YIPF6: variants seen among roughly 807,000 people sequenced by gnomAD.
YIPF6 encodes the protein Yip1 domain family member 6, also known as protein YIPF6.
A neutral mutation model predicts 16.8 loss-of-function variants in YIPF6; 3 were observed. The observed-to-expected ratio is 0.18, with a 90% confidence interval of 0.08 to 0.46. The LOEUF (loss-of-function observed/expected upper bound fraction) is 0.46, where lower values mean the gene tolerates loss of function less well. Ranked by LOEUF, YIPF6 falls within the 20% of genes least tolerant of loss-of-function variation. YIPF6 has a pLI of 0.98. For synonymous variants in YIPF6, 67 were observed against 61.9 expected (o/e 1.08, Z -0.38); for missense variants, 145 against 184.9 (o/e 0.78, Z 1.25).
chrX:68,509,108 G>T (rs1401350885), intron 1 of YIPF6, among the ~76,000 whole-genome samples: 3 of 107,023 alleles, frequency 2.8e-5, no homozygotes, highest in African/African-American at 1.0e-4. Flanking sequence ...TTTGTTTTTT[G>T]TTGTTGTTTT....
intron 6 of YIPF6, among the ~76,000 whole-genome samples, chrX:68,528,153 A>G: frequency 9.0e-6 from 1 of 111,402 alleles, no homozygotes; most frequent in East Asian, 2.8e-4. Flanking sequence ...TTGTTTTATG[A>G]ACCTGGGTGC....
At chrX:68,512,830 ATT>A (rs200742201) in intron 2 of YIPF6, among the ~76,000 whole-genome samples, 16 of 96,807 alleles carry the variant, frequency 1.7e-4, no homozygotes, top group African/African-American at 1.9e-4. Flanking sequence ...CAGTTTCTTG[ATT>A]TTTTTTTTTT....
At chrX:68,513,928 C>T (rs1336681591) in intron 3 of YIPF6, 1 of 108,948 alleles carries the variant, frequency 9.2e-6, no homozygotes, top group African/African-American at 3.3e-5. Flanking sequence ...ATTATATTGT[C>T]CTCATCAGTA....
chrX:68,515,544 CTCTGTA>C (rs1399616868), intron 3 of YIPF6, among the ~76,000 whole-genome samples: 6 of 111,277 alleles, frequency 5.4e-5, no homozygotes, highest in Admixed American at 2.9e-4. Context: ...TGTCTTCCAC[CTCTGTA>C]TCTGTCCTAT....
At chrX:68,526,957 A>G (rs887089090) in intron 6 of YIPF6, among the ~76,000 whole-genome samples, 1 of 111,534 alleles carries the variant, frequency 9.0e-6, no homozygotes, top group Non-Finnish European at 1.9e-5. Context: ...TGTCTTTGCC[A>G]GGTTTTGGTT....
intron 1 of YIPF6, among the ~76,000 whole-genome samples, chrX:68,508,554 A>G (rs939717696): frequency 2.7e-5 from 3 of 111,177 alleles, no homozygotes; most frequent in Non-Finnish European, 5.7e-5. Context: ...AGTTTGCATA[A>G]TTTTGACTGA....
At chrX:68,516,712 C>T (rs764988311) in intron 3 of YIPF6, among the ~76,000 whole-genome samples, 1 of 111,696 alleles carries the variant, frequency 9.0e-6, no homozygotes, top group Non-Finnish European at 1.9e-5. Flanking sequence ...GGTTAAAGTT[C>T]GATGTGGAAT....
At chrX:68,505,301 TA>T (rs2079055555) in intron 1 of YIPF6, among the ~76,000 whole-genome samples, 1 of 110,670 alleles carries the variant, frequency 9.0e-6, no homozygotes, top group South Asian at 3.9e-4. Flanking sequence ...TCCCAACTAC[TA>T]GGGGGGCTGA....
At chrX:68,526,364 G>T (rs1480743999) in intron 6 of YIPF6, among the ~76,000 whole-genome samples, 1 of 111,883 alleles carries the variant, frequency 8.9e-6, no homozygotes. Flanking sequence ...TTGCTTATCA[G>T]CTTAAGGAGA....
intron 5 of YIPF6, among the ~76,000 whole-genome samples, chrX:68,522,094 T>TG (rs1306153312): frequency 9.1e-6 from 1 of 110,328 alleles, no homozygotes; most frequent in Non-Finnish European, 1.9e-5. Context: ...ATGTACGTTT[T>TG]GGGGGGCAAG....
chrX:68,519,154 G>A (rs755849661), intron 4 of YIPF6, among the ~76,000 whole-genome samples: 6 of 112,011 alleles, frequency 5.4e-5, no homozygotes, highest in Non-Finnish European at 1.1e-4. Context: ...ATAATTCTCT[G>A]TAATCTTACT....
intron 6 of YIPF6, among the ~76,000 whole-genome samples, chrX:68,528,330 C>G (rs2079157708): frequency 9.0e-6 from 1 of 111,361 alleles, no homozygotes; most frequent in Admixed American, 9.6e-5. Context: ...TTTCCATTTG[C>G]TTGGTAAATA....
intron 6 of YIPF6, among the ~76,000 whole-genome samples, chrX:68,530,761 C>T (rs1183520113): frequency 1.8e-5 from 2 of 110,994 alleles, no homozygotes. Flanking sequence ...AGGCGATTCC[C>T]CACCCTGCTT....
intron 2 of YIPF6, 90 bp from the exon 3 acceptor site, chrX:68,513,234 CAGG>C: frequency 1.5e-6 from 1 of 661,500 alleles, no homozygotes; most frequent in Non-Finnish European, 2.3e-6. Context: ...GAAGAGTTCA[CAGG>C]AGATTGAAAT....
At chrX:68,517,548 A>C (rs886577456) in intron 3 of YIPF6, among the ~76,000 whole-genome samples, 1 of 112,510 alleles carries the variant, frequency 8.9e-6, no homozygotes, top group Non-Finnish European at 1.9e-5. Context: ...ATTAAAGTTT[A>C]ACCTTGTGAA....
intron 1 of YIPF6, among the ~76,000 whole-genome samples, chrX:68,506,975 TAAC>T (rs1464091770): frequency 8.9e-6 from 1 of 112,366 alleles, no homozygotes; most frequent in East Asian, 2.8e-4. Context: ...AAAAAATTAA[TAAC>T]TTCTTAATAT....
intron 1 of YIPF6, among the ~76,000 whole-genome samples, chrX:68,499,326 G>C (rs977070390): frequency 2.7e-5 from 3 of 112,365 alleles, no homozygotes; most frequent in African/African-American, 9.7e-5. Context: ...GTTCCTTCCA[G>C]GTCTTTTTGT....
rs1477043933 is a variant in YIPF6, at chrX:68,533,713, CT to C, written c.*1717del. ...TTACCTTTTAAATTGTAAAATAAAC[CT>C]TTGTGTGGACAGAGCCAATGTTTCA... On this transcript the variant is annotated 3_prime_UTR_variant, in exon 7 of 7. Coordinates refer to ENST00000462683, the MANE Select transcript of YIPF6 (RefSeq NM_173834.4). The C allele has an allele frequency of 9.0e-6, 1 of 111,238 alleles. No individual in the cohort carries two copies. The highest frequency in any genetic ancestry group is 9.6e-5 in the Admixed American group (1 of 10,434). The allele number at this position is 111,238 out of a possible 1,213,427, so 9.2% of individuals were successfully genotyped here.
Position 68,535,753 on chromosome X carries a change from A to G in YIPF6, c.*3754A>G, listed in dbSNP as rs1424174491. On this transcript the variant is annotated 3_prime_UTR_variant, in exon 7 of 7. Transcript: ENST00000462683. ...TATTTTTTTAAGAATTTTTAAAATAACAGCTTTATTGAAATACACTTTACC... is the reference window on the plus strand; with the variant it reads ...TATTTTTTTAAGAATTTTTAAAATAGCAGCTTTATTGAAATACACTTTACC... 1 of 111,404 alleles carries G rather than the reference A, an allele frequency of 9.0e-6. No homozygotes were observed. Among genetic ancestry groups the G allele is most frequent in the Non-Finnish European group, 1.9e-5 (1 of 53,179 alleles). The allele number at this position is 111,404 out of a possible 1,213,427, so 9.2% of individuals were successfully genotyped here. A position where few individuals can be genotyped will look rare whatever the true frequency, so the allele number is the denominator to read the frequency against.
Sources: allele counts gnomAD v4.1 joint callset (sites outside exome capture counted in the v4.1 genomes callset), GRCh38; gene constraint gnomAD v4.1.1; transcripts MANE v1.5; gene names NCBI Gene and HGNC (gene_info 2026-07-23, HGNC 2026-07-21).